Variants in SPRY3 observed in about 807,000 individuals in gnomAD.
SPRY3 encodes the protein protein sprouty homolog 3.
In SPRY3, 15 loss-of-function variants were observed where a neutral mutation model predicts 20.2. The ratio of observed to expected loss-of-function variants is 0.74; its 90% CI spans 0.50 to 1.14. The LOEUF (loss-of-function observed/expected upper bound fraction) is 1.14, where lower values mean the gene tolerates loss of function less well. SPRY3 is among the 50% of genes most tolerant of loss of function. The pLI is 0.00. For missense variants in SPRY3, 364 were observed against 363.9 expected, an observed-to-expected ratio of 1.00 and a Z score of 0.00; for synonymous variants, 143 against 136.5, an observed-to-expected ratio of 1.05 and a Z score of -0.33.
intron 2 of SPRY3, among the ~76,000 whole-genome samples, chrX:155,704,482 A>C (rs1415189941): frequency 1.1e-4 from 17 of 151,790 alleles, no homozygotes; most frequent in Non-Finnish European, 2.4e-4. Context: ...GATTACATTG[A>C]GACAAAAAAA....
chrX:155,635,399 C>A (rs1557350903), intron 1 of SPRY3, among the ~76,000 whole-genome samples: 1 of 111,366 alleles, frequency 9.0e-6, no homozygotes, highest in Non-Finnish European at 1.9e-5. Context: ...TGGGTATATA[C>A]CCAGTAATGG....
At chrX:155,702,365 T>C (rs2090919425) in intron 2 of SPRY3, among the ~76,000 whole-genome samples, 1 of 12,198 alleles carries the variant, frequency 8.2e-5, no homozygotes, top group Non-Finnish European at 1.6e-4. Flanking sequence ...TATTTTATTC[T>C]CTTTGAAGCA....
chrX:155,739,313 C>T (rs1200449974), intron 2 of SPRY3, among the ~76,000 whole-genome samples: 2 of 151,964 alleles, frequency 1.3e-5, no homozygotes, highest in Admixed American at 1.3e-4. Context: ...CTGATCTCTC[C>T]CTGAGATGGA....
chrX:155,621,785 C>T (rs1357261431), intron 1 of SPRY3, among the ~76,000 whole-genome samples: 2 of 111,614 alleles, frequency 1.8e-5, no homozygotes, highest in African/African-American at 6.5e-5. Context: ...GAGCAAGAGA[C>T]TCAATATATC....
intron 2 of SPRY3, among the ~76,000 whole-genome samples, chrX:155,736,351 A>T (rs1221222564): frequency 2.0e-5 from 3 of 151,822 alleles, no homozygotes. Context: ...GCCTTCTTTT[A>T]ACATTTTTTT....
At chrX:155,663,494 G>C in intron 2 of SPRY3, among the ~76,000 whole-genome samples, 1 of 111,445 alleles carries the variant, frequency 9.0e-6, no homozygotes, top group Non-Finnish European at 1.9e-5. Flanking sequence ...AGGTCAGAAA[G>C]AGAGGAAAGG....
chrX:155,662,570 G>A (rs1233290810), intron 2 of SPRY3, among the ~76,000 whole-genome samples: 1 of 107,798 alleles, frequency 9.3e-6, no homozygotes, highest in Non-Finnish European at 1.9e-5. Context: ...AGTTGTGTTA[G>A]CTGAAGTTGT....
chrX:155,747,970 A>G (rs1488837617), intron 2 of SPRY3, among the ~76,000 whole-genome samples: 4 of 151,938 alleles, frequency 2.6e-5, no homozygotes, highest in African/African-American at 9.7e-5. Flanking sequence ...CAGTATAATT[A>G]TATACTTATA....
intron 1 of SPRY3, among the ~76,000 whole-genome samples, chrX:155,627,100 C>G (rs781957749): frequency 9.0e-6 from 1 of 111,222 alleles, no homozygotes; most frequent in Admixed American, 9.6e-5. Flanking sequence ...AATGCAACAT[C>G]CAATCTCTTA....
intron 2 of SPRY3, among the ~76,000 whole-genome samples, chrX:155,739,104 G>A (rs306904): frequency 0.13 from 19,259 of 152,010 alleles, 2,060 homozygotes; most frequent in African/African-American, 0.3. Context: ...AGCCATTCTA[G>A]CCTGCTGGCT....
chrX:155,760,677 A>G (rs987071640), intron 2 of SPRY3, among the ~76,000 whole-genome samples: 3 of 152,162 alleles, frequency 2.0e-5, no homozygotes, highest in Admixed American at 6.5e-5. Context: ...GTCAGGCATT[A>G]GTTAGATTCT....
In SPRY3 at chrX:155,697,536, T is replaced by C. The variant is rs189345516; in HGVS notation, c.-282+40511T>C. On this transcript the variant is annotated intron_variant, in intron 2 of 3. Transcript: ENST00000675360. ...ACACACACACACATATATATATATA[T>C]ACACATATATATCTGATTGTGGGAC... Among the ~76,000 whole-genome samples, 46 of 108,148 alleles carry C rather than the reference T, an allele frequency of 4.3e-4. No homozygotes were observed. In the East Asian group the frequency reaches 6.1e-3, roughly 14 times the overall value. 93.9% of individuals were successfully genotyped at this position (108,148 alleles called of 115,157 possible). A position where few individuals can be genotyped will look rare whatever the true frequency, so the allele number is the denominator to read the frequency against.
intron 2 of SPRY3, among the ~76,000 whole-genome samples, chrX:155,687,948 T>C (rs1205633356): frequency 1.8e-5 from 2 of 110,804 alleles, no homozygotes; most frequent in African/African-American, 6.6e-5. Context: ...GCCTGGTAAA[T>C]GTGTGCCATG....
intron 2 of SPRY3, among the ~76,000 whole-genome samples, chrX:155,697,522 C>CACACACATATATAT (rs750002413): frequency 2.0e-5 from 2 of 99,330 alleles, no homozygotes; most frequent in African/African-American, 7.8e-5. Flanking sequence ...CACACACACA[C>CACACACATATATAT]ATATATATAT....
At chrX:155,641,528 A>G (rs1441102790) in intron 1 of SPRY3, among the ~76,000 whole-genome samples, 1 of 115,101 alleles carries the variant, frequency 8.7e-6, no homozygotes, top group Non-Finnish European at 1.9e-5. Flanking sequence ...CAAAGCTTCC[A>G]CAGCGTGGAA....
exon 4 of SPRY3, chrX:155,776,062 T>C (rs2091423409): frequency 6.0e-6 from 1 of 167,132 alleles, no homozygotes; most frequent in Admixed American, 6.5e-5. Context: ...CTTACCCCTG[T>C]ACCACATTGA....
intron 2 of SPRY3, among the ~76,000 whole-genome samples, chrX:155,744,930 G>A (rs2091219055): frequency 6.6e-6 from 1 of 151,968 alleles, no homozygotes; most frequent in African/African-American, 2.4e-5. Context: ...TGTATTTTAG[G>A]AATACTTAGA....
intron 2 of SPRY3, among the ~76,000 whole-genome samples, chrX:155,694,017 C>T (rs2068111185): frequency 8.9e-6 from 1 of 111,976 alleles, no homozygotes; most frequent in African/African-American, 3.2e-5. Context: ...GTTGCCCAGG[C>T]TGGTCTAAAA....
At chrX:155,629,823 T>G (rs1557350285) in intron 1 of SPRY3, among the ~76,000 whole-genome samples, 1 of 112,337 alleles carries the variant, frequency 8.9e-6, no homozygotes, top group Non-Finnish European at 1.9e-5. Flanking sequence ...ACTTCCTTAT[T>G]AGATACATAG....
Sources: allele counts gnomAD v4.1 joint callset (sites outside exome capture counted in the v4.1 genomes callset), GRCh38; gene constraint gnomAD v4.1.1; transcripts MANE v1.5; gene names NCBI Gene and HGNC (gene_info 2026-07-23, HGNC 2026-07-21).